Variants in NAT10 observed in about 807,000 individuals in gnomAD.
NAT10 encodes the protein RNA cytidine acetyltransferase.
Under a neutral mutation model 132.2 loss-of-function variants are expected in NAT10, and 109 were observed. The observed-to-expected ratio is 0.82, with a 90% CI of 0.71 to 0.97. The LOEUF (loss-of-function observed/expected upper bound fraction) is 0.97, where lower values mean the gene tolerates loss of function less well. Among genes scored for constraint, NAT10 ranks in the 50% least tolerant of loss-of-function variants. The pLI, the probability that NAT10 is intolerant of heterozygous loss-of-function variation, is 0.00. For missense variants in NAT10, 1,184 were observed against 1,263.4 expected (o/e 0.94, Z 0.95); for synonymous variants, 479 against 478.0 (o/e 1.00, Z -0.03).
rs529602089 is a variant in NAT10 at position 34,119,159 on chromosome 11, A to G, written c.780+656A>G. On this transcript the variant is annotated intron_variant, in intron 8 of 28. Coordinates refer to ENST00000257829, the MANE Select transcript of NAT10 (RefSeq NM_024662.3). Reference sequence around the variant, plus strand: ...AATAGCAGGCTGGGTGAGAGCTTACAGGTTGCATTTCTGTGCTCATTGAGG... The same window carrying G: ...AATAGCAGGCTGGGTGAGAGCTTACGGGTTGCATTTCTGTGCTCATTGAGG... Among the ~76,000 whole-genome samples the G allele has an allele frequency of 1.5e-4, 23 of 152,244 alleles. No homozygotes were observed. In the East Asian group the frequency reaches 4.2e-3, roughly 28 times the overall value.
At chr11:34,120,328 A>G (rs73501097) in intron 8 of NAT10, among the ~76,000 whole-genome samples, 16,259 of 152,196 alleles carry the variant, frequency 0.11, 966 homozygotes, top group African/African-American at 0.17. Context: ...AAACAAAATG[A>G]TAAAATACAG....
chr11:34,123,469 A>G (rs1851931067), intron 9 of NAT10, among the ~76,000 whole-genome samples: 3 of 152,252 alleles, frequency 2.0e-5, no homozygotes, highest in South Asian at 2.1e-4. Context: ...AGTGATGAGC[A>G]TGAAACTACT....
chr11:34,113,754 T>G lies in NAT10; in HGVS notation c.411T>G (p.Thr137=), dbSNP rs930040317. 6.2e-7 allele frequency: 1 copy of G among 1,613,804 alleles called. No individual in the cohort carries two copies. Among genetic ancestry groups the G allele is most frequent in the Non-Finnish European group, 8.5e-7 (1 of 1,179,962 alleles). Residue 137 remains threonine (T), a synonymous_variant, in exon 5 of 29, where the codon ACT becomes ACG. Coordinates refer to ENST00000257829, the MANE Select transcript of NAT10 (RefSeq NM_024662.3). ...TAACTCCAAACTTGCTGGCCAGGAC[T>G]GTAGAAACAGTGGAAGGTGGTGGGC... ...EALTPNLLAR[T]VETVEGGGLV... is the part of the protein sequence containing the mutation.
chr11:34,115,694 G>A, intron 5 of NAT10, 129 bp from the exon 6 acceptor site: 1 of 721,070 alleles, frequency 1.4e-6, no homozygotes, highest in East Asian at 2.8e-5. Flanking sequence ...TGGCACAGCA[G>A]TGTGTGTGGG....
rs188031057 is a variant in NAT10 at position 34,134,105 on chromosome 11, A to T, written c.1735-214A>T. 5.6e-3 allele frequency among the ~76,000 whole-genome samples: 852 copies of T among 152,228 alleles called. 4 individuals carry two copies. The highest frequency in any genetic ancestry group is 1.0e-2 in the Admixed American group (153 of 15,302). The stretch of plus-strand genomic sequence containing the variant: ...CATGAACCCAGGAGGCAGAGCTTGC[A>T]GTGAGCCGAGATAGCACCACTGCAC... On this transcript the variant is annotated intron_variant, in intron 16 of 28. Coordinates refer to ENST00000257829, the MANE Select transcript of NAT10 (RefSeq NM_024662.3).
chr11:34,141,288 A>C, intron 25 of NAT10, 80 bp downstream of exon 25: 1 of 1,578,002 alleles, frequency 6.3e-7, no homozygotes, highest in Non-Finnish European at 8.6e-7. Context: ...AGATGAACAC[A>C]TGTTAGCATT....
At position 34,117,307 on chromosome 11, in the gene NAT10, A is replaced by G. The variant is rs1490680563; in HGVS notation, c.558-873A>G. On this transcript the variant is annotated intron_variant, in intron 6 of 28. Transcript: ENST00000257829. ...AAATCAGTGGTTCTCATCTGGAGCC[A>G]TTTGGCCCCCTGGGGACATTTGGCA... Among the ~76,000 whole-genome samples the G allele has an allele frequency of 2.0e-5, 3 of 152,200 alleles. No homozygotes were observed. In the East Asian group the frequency reaches 5.8e-4, roughly 29 times the overall value.
chr11:34,131,286 G>T, intron 13 of NAT10, 95 bp from the exon 14 acceptor site: 1 of 1,477,940 alleles, frequency 6.8e-7, no homozygotes, highest in East Asian at 2.3e-5. Flanking sequence ...GGCCACCATG[G>T]GACAAATATA....
In NAT10 at chr11:34,140,572, G is replaced by C; in HGVS notation, c.2592G>C (p.Ser864=). 2 of 1,613,446 alleles carry C rather than the reference G, an allele frequency of 1.2e-6. No individual in the cohort carries two copies. Among genetic ancestry groups the C allele is most frequent in the Non-Finnish European group, 1.7e-6 (2 of 1,179,534 alleles). ...ACCTGGCCCTGTCTGCGGCTCAGTC[G>C]GTATGCTATCTGTTGCTTGCGTGGA... ...LGDLALSAAQ[S]ALLLGIGLQH... The change falls in exon 24 of 29, where the codon TCG becomes TCC. Residue 864 remains serine, a splice_region_variant and synonymous_variant. Coordinates refer to ENST00000257829, the MANE Select transcript of NAT10 (RefSeq NM_024662.3).
intron 28 of NAT10, among the ~76,000 whole-genome samples, chr11:34,143,745 A>G (rs1040554860): frequency 3.3e-5 from 5 of 152,144 alleles, no homozygotes; most frequent in African/African-American, 1.2e-4. Flanking sequence ...CACTCTTTGT[A>G]TTTGTCAGCC....
chr11:34,130,957 G>T lies in NAT10; in HGVS notation c.1369+20G>T. 6.2e-7 allele frequency: 1 copy of T among 1,613,068 alleles called. No homozygotes were observed. Among genetic ancestry groups the T allele is most frequent in the South Asian group, 1.1e-5 (1 of 90,886 alleles). On this transcript the variant is annotated intron_variant, in intron 13 of 28. Coordinates refer to ENST00000257829, the MANE Select transcript of NAT10 (RefSeq NM_024662.3). ...CATCAGGTACCCCAGAACCTGACCC[G>T]GGTCCCGCGGTTCACAGCAAGGCCC... is the stretch of plus-strand genomic sequence containing the variant.
At position 34,131,551 on chromosome 11, in the gene NAT10, A is replaced by G; in HGVS notation, c.1520+20A>G. On this transcript the variant is annotated intron_variant, in intron 14 of 28. Transcript: ENST00000257829. ...TGAACTGTATCCTCCTCTGGGTTTC[A>G]CTGGCCCTGTGAAAAGGAGAGGGGC... 1 of 1,599,742 alleles carries G rather than the reference A, an allele frequency of 6.3e-7. No individual in the cohort carries two copies.
chr11:34,138,020 A>T (rs1040815671), intron 21 of NAT10, among the ~76,000 whole-genome samples: 1 of 152,204 alleles, frequency 6.6e-6, no homozygotes, highest in Non-Finnish European at 1.5e-5. Flanking sequence ...CTCTTTCAGG[A>T]AGCGAAAGGG....
chr11:34,136,600 C>G (rs368934750), intron 19 of NAT10, 42 bp from the exon 20 acceptor site: 4 of 1,612,998 alleles, frequency 2.5e-6, no homozygotes, highest in Non-Finnish European at 2.5e-6. Context: ...GTCTCTCTCC[C>G]TCTGCTGAAT....
chr11:34,137,920 G>A (rs115827205), intron 21 of NAT10, among the ~76,000 whole-genome samples: 11 of 152,346 alleles, frequency 7.2e-5, no homozygotes, highest in African/African-American at 2.4e-4. Flanking sequence ...GTCAGCAGCG[G>A]TGAGCTGCAT....
intron 13 of NAT10, 65 bp downstream of exon 13, chr11:34,131,002 G>A (rs1000621047): frequency 1.9e-6 from 3 of 1,587,154 alleles, no homozygotes; most frequent in African/African-American, 1.3e-5. Context: ...ACTGATCCTC[G>A]CTTCCCCTGT....
intron 25 of NAT10, 118 bp downstream of exon 25, chr11:34,141,326 C>CAT (rs1852324807): frequency 4.8e-6 from 6 of 1,249,754 alleles, no homozygotes; most frequent in Middle Eastern, 2.8e-4. Context: ...TCTCGTCACA[C>CAT]ACACACACAC....
At chr11:34,115,584 T>G (rs973855283) in intron 5 of NAT10, among the ~76,000 whole-genome samples, 2 of 152,226 alleles carry the variant, frequency 1.3e-5, no homozygotes, top group Non-Finnish European at 2.9e-5. Context: ...ATGAAATAAA[T>G]GAATATAACT....
At chr11:34,137,322 A>C (rs552633780) in intron 21 of NAT10, among the ~76,000 whole-genome samples, 12 of 152,348 alleles carry the variant, frequency 7.9e-5, no homozygotes, top group African/African-American at 2.9e-4. Flanking sequence ...CAGGAGGATC[A>C]AGGGTAATTC....
Sources: allele counts gnomAD v4.1 joint callset (sites outside exome capture counted in the v4.1 genomes callset), GRCh38; gene constraint gnomAD v4.1.1; transcripts MANE v1.5; gene names NCBI Gene and HGNC (gene_info 2026-07-23, HGNC 2026-07-21).